The following PEMT variants were observed in gnomAD, a reference collection of about 807,000 sequenced individuals.
The protein encoded by PEMT is phospholipid methyltransferase.
A neutral mutation model predicts 27.4 loss-of-function variants in PEMT; 23 were observed. That is an observed-to-expected ratio of 0.84 (90% CI 0.60 to 1.19). The LOEUF is 1.19. Among genes scored for constraint, PEMT ranks in the 50% most tolerant of loss-of-function variants. The probability of loss-of-function intolerance (pLI) is 0.00; values close to 1 mark genes in which losing one functional copy is unlikely to be tolerated. For synonymous variants in PEMT, 137 were observed against 139.1 expected (o/e 0.98, Z 0.11); for missense variants, 307 against 310.1 (o/e 0.99, Z 0.07).
rs1174468833 is a variant in PEMT, at chr17:17,505,771, G to A, written c.*20C>T. 1 of 1,603,242 alleles carries A rather than the reference G, an allele frequency of 6.2e-7. No individual in the cohort carries two copies. The highest frequency in any genetic ancestry group is 8.5e-7 in the Non-Finnish European group (1 of 1,174,418). ...GGCCAGGAGGCTGGCCAGGCCTTCAGCAAAGCTGTTGCAGCTCAATCAGCT... is the reference window on the plus strand; with the variant it reads ...GGCCAGGAGGCTGGCCAGGCCTTCAACAAAGCTGTTGCAGCTCAATCAGCT... On this transcript the variant is annotated 3_prime_UTR_variant, in exon 7 of 7. Transcript: ENST00000255389.
intron 2 of PEMT, among the ~76,000 whole-genome samples, chr17:17,536,230 T>C (rs1200423599): frequency 6.6e-6 from 1 of 152,212 alleles, no homozygotes; most frequent in Non-Finnish European, 1.5e-5. Flanking sequence ...GGACGTCCGA[T>C]AGTGTGCCTC....
At chr17:17,562,784 G>A (rs1019432301) in intron 2 of PEMT, among the ~76,000 whole-genome samples, 1 of 152,038 alleles carries the variant, frequency 6.6e-6, no homozygotes, top group African/African-American at 2.4e-5. Flanking sequence ...ACTCCAGCCT[G>A]GGTGACAGAG....
At position 17,523,575 on chromosome 17, in the gene PEMT, C is replaced by G. The variant is rs1907447065; in HGVS notation, c.205-1180G>C. On this transcript the variant is annotated intron_variant, in intron 2 of 6. Coordinates refer to ENST00000255389, the MANE Select transcript of PEMT (RefSeq NM_148172.3). This position sits in a 1 kb window ranked among gnomAD's most constrained non-coding sequence, Gnocchi z 4.8. ...GCTCCCGGGCCTTCCCCTCAACCAG[C>G]TGTTGGCACTGCAGCCAATTCTCCC... Among the ~76,000 whole-genome samples, 1 of 152,180 alleles carries G rather than the reference C, an allele frequency of 6.6e-6. No homozygotes were observed. The highest frequency in any genetic ancestry group is 1.5e-5 in the Non-Finnish European group (1 of 68,034).
In PEMT at chr17:17,579,819, T is replaced by G. The variant is rs866922711; in HGVS notation, c.97-2792A>C. Among the ~76,000 whole-genome samples the G allele has an allele frequency of 2.6e-5, 4 of 152,302 alleles. No homozygotes were observed. The South Asian group carries it at 6.2e-4, about 24-fold the overall frequency. ...GTGGCCACGGCAGCAGGTGTGGGCA[T>G]CAGTAAACAAATGACTAAGAAAAGC... On this transcript the variant is annotated intron_variant, in intron 1 of 6. Transcript: ENST00000255389.
chr17:17,551,804 G>A (rs1424623585), intron 2 of PEMT, among the ~76,000 whole-genome samples: 4 of 152,194 alleles, frequency 2.6e-5, no homozygotes, highest in South Asian at 2.1e-4. Flanking sequence ...GCGACCCCTC[G>A]TCACCATGAC....
At position 17,505,836 on chromosome 17, in the gene PEMT, A is replaced by G. The variant is rs1467390420; in HGVS notation, c.666T>C (p.Ala222=). 5.6e-6 allele frequency: 9 copies of G among 1,610,234 alleles called. No individual in the cohort carries two copies. The highest frequency in any genetic ancestry group is 6.8e-6 in the Non-Finnish European group (8 of 1,178,104). Residue 222 remains alanine (A), a synonymous_variant, in exon 7 of 7, where the codon GCT becomes GCC. Coordinates refer to ENST00000255389, the MANE Select transcript of PEMT (RefSeq NM_148172.3). ...CGGAGGCTTTCTGCCGGTAGATCTC[A>G]GCGGTGAAGGGCCTGCCGGGCAGCG... ...VALLYEEPFT[A]EIYRQKASGS... is the part of the protein sequence containing the mutation.
In PEMT at chr17:17,531,021, C is replaced by T. The variant is rs1471483361; in HGVS notation, c.205-8626G>A. On this transcript the variant is annotated intron_variant, in intron 2 of 6. Coordinates refer to ENST00000255389, the MANE Select transcript of PEMT (RefSeq NM_148172.3). ...TGGTGCCACTGCATTCCAGCCTGGG[C>T]GACAGAGTGAGACTCCGTCTCAAAA... 7.6e-5 allele frequency among the ~76,000 whole-genome samples: 11 copies of T among 144,110 alleles called. No individual in the cohort carries two copies. The East Asian group carries it at 8.1e-4, about 11-fold the overall frequency. 94.5% of individuals were successfully genotyped at this position (144,110 alleles called of 152,430 possible).
At chr17:17,545,964 T>C (rs1909232692) in intron 2 of PEMT, among the ~76,000 whole-genome samples, 1 of 152,228 alleles carries the variant, frequency 6.6e-6, no homozygotes, top group African/African-American at 2.4e-5. Flanking sequence ...ATCTCTTTCC[T>C]TCTGGAAGGA....
chr17:17,558,699 A>C (rs1305379622), intron 2 of PEMT, among the ~76,000 whole-genome samples: 5 of 120,494 alleles, frequency 4.1e-5, no homozygotes, highest in South Asian at 2.6e-4. Flanking sequence ...AAAAAAAAAA[A>C]CAAAAAGAAA....
intron 2 of PEMT, among the ~76,000 whole-genome samples, chr17:17,563,557 T>G (rs1910632357): frequency 6.6e-6 from 1 of 152,204 alleles, no homozygotes; most frequent in African/African-American, 2.4e-5. Context: ...ACTAAAAATT[T>G]CATGAGCAAA....
intron 2 of PEMT, among the ~76,000 whole-genome samples, chr17:17,547,571 T>C (rs1426351550): frequency 2.6e-5 from 4 of 152,230 alleles, no homozygotes; most frequent in Non-Finnish European, 2.9e-5. Flanking sequence ...AAGCATTGTG[T>C]GCAAAAGTCC....
chr17:17,560,515 G>GC (rs1307312200), intron 2 of PEMT, among the ~76,000 whole-genome samples: 1 of 152,228 alleles, frequency 6.6e-6, no homozygotes, highest in Non-Finnish European at 1.5e-5. Context: ...TAGCTAAGGA[G>GC]CAACAGGGGC....
chr17:17,523,672 G>T lies in PEMT; in HGVS notation c.205-1277C>A, dbSNP rs182782373. ...TGACTCTGTGGGAAGCTCAAAAGGCGGAAGGAATAAGCGCTGCAGGGGTGA... is the reference window on the plus strand; with the variant it reads ...TGACTCTGTGGGAAGCTCAAAAGGCTGAAGGAATAAGCGCTGCAGGGGTGA... On this transcript the variant is annotated intron_variant, in intron 2 of 6. Coordinates refer to ENST00000255389, the MANE Select transcript of PEMT (RefSeq NM_148172.3). This position sits in a 1 kb window ranked among gnomAD's most constrained non-coding sequence, Gnocchi z 4.8. 1.3e-4 allele frequency among the ~76,000 whole-genome samples: 20 copies of T among 152,198 alleles called. No individual in the cohort carries two copies. The East Asian group carries it at 2.9e-3, about 22-fold the overall frequency.
At chr17:17,555,946 C>T (rs926521531) in intron 2 of PEMT, among the ~76,000 whole-genome samples, 3 of 152,234 alleles carry the variant, frequency 2.0e-5, no homozygotes, top group South Asian at 2.1e-4. Context: ...TTGAATGCTC[C>T]GCTCCTTTCA....
At chr17:17,526,226 C>T (rs549016791) in intron 2 of PEMT, among the ~76,000 whole-genome samples, 5 of 152,102 alleles carry the variant, frequency 3.3e-5, no homozygotes, top group African/African-American at 9.6e-5. Flanking sequence ...TCTTTTTTTG[C>T]AAATCTCACC....
chr17:17,574,265 A>AC (rs35094462), intron 2 of PEMT, among the ~76,000 whole-genome samples: 44,121 of 123,942 alleles, frequency 0.36, 9,707 homozygotes, highest in Non-Finnish European at 0.48. Flanking sequence ...AAAAAAAAAA[A>AC]CCGTATGCCA....
intron 2 of PEMT, among the ~76,000 whole-genome samples, chr17:17,527,475 C>T (rs558480142): frequency 7.9e-5 from 12 of 152,332 alleles, no homozygotes; most frequent in South Asian, 4.1e-4. Flanking sequence ...GCTCAAACAC[C>T]GGCTCCTCTA....
chr17:17,576,921 A>C lies in PEMT; in HGVS notation c.203T>G (p.Val68Gly). ...GACAGTGTCAGGCACATCACTTACC[A>C]CATTCCAGTAGAGCGGATTGAAGGT... ...TITFNPLYWNVVARWEHKTRK... is the reference protein window; with the variant it reads ...TITFNPLYWNGVARWEHKTRK... The change falls in exon 2 of 7, where the codon GTG becomes GGG. Residue 68 changes from valine (V) to glycine (G), a missense_variant and splice_region_variant. Transcript: ENST00000255389. The C allele has an allele frequency of 6.2e-7, 1 of 1,612,186 alleles. No homozygotes were observed. The highest frequency in any genetic ancestry group is 2.2e-5 in the East Asian group (1 of 44,862).
At chr17:17,553,980 C>T (rs1240259571) in intron 2 of PEMT, among the ~76,000 whole-genome samples, 3 of 152,218 alleles carry the variant, frequency 2.0e-5, no homozygotes, top group African/African-American at 7.2e-5. Context: ...GTGGGGGGCT[C>T]CTCTGGGCAG....
Sources: allele counts gnomAD v4.1 joint callset (sites outside exome capture counted in the v4.1 genomes callset), GRCh38; gene constraint gnomAD v4.1.1; non-coding constraint Gnocchi (gnomAD v3.1); transcripts MANE v1.5; gene names NCBI Gene and HGNC (gene_info 2026-07-23, HGNC 2026-07-21).